ZNF839: variants seen among roughly 807,000 people sequenced by gnomAD.
The protein encoded by ZNF839 is renal carcinoma antigen NY-REN-50.
In ZNF839, 38 loss-of-function variants were observed where a neutral mutation model predicts 56.4. That is an observed-to-expected ratio of 0.67 (90% CI 0.52 to 0.88). ZNF839 has a LOEUF of 0.88. Ranked by LOEUF, ZNF839 falls within the 40% of genes least tolerant of loss-of-function variation. The probability of loss-of-function intolerance (pLI) is 0.00; values close to 1 mark genes in which losing one functional copy is unlikely to be tolerated. For synonymous variants in ZNF839, 486 were observed against 493.5 expected, an observed-to-expected ratio of 0.98 and a Z score of 0.20; for missense variants, 1,091 against 1,177.6, an observed-to-expected ratio of 0.93 and a Z score of 1.08.
In ZNF839 at chr14:102,326,445, C is replaced by G; in HGVS notation, c.749C>G (p.Ser250Cys). The change falls in exon 2 of 8, where the codon TCT becomes TGT. Residue 250 changes from serine (S) to cysteine (C), a missense_variant. Physicochemically the swap from Ser to Cys is moderately radical, Grantham distance 112. Around this residue, in one of 3 missense-constraint regions of ZNF839, gnomAD observed 614 missense variants for 629.2 expected, o/e 0.98. Transcript: ENST00000442396. This position sits in a 1 kb window ranked among gnomAD's most constrained non-coding sequence, Gnocchi z 4.3. ...AAATCGTTAAAAGTAAAGACACGTT[C>G]TGGACGGGTATCTCGACCTCCCAAA... ...LKKSLKVKTR[S>C]GRVSRPPKYK... The G allele has an allele frequency of 6.2e-7, 1 of 1,613,966 alleles. No individual in the cohort carries two copies. The highest frequency in any genetic ancestry group is 8.5e-7 in the Non-Finnish European group (1 of 1,179,894).
At chr14:102,331,415 A>ATTT in intron 2 of ZNF839, 1 of 514,030 alleles carries the variant, frequency 1.9e-6, no homozygotes, top group Non-Finnish European at 3.5e-6. Context: ...CGCCTGGCTA[A>ATTT]TTTTTTGTAT....
chr14:102,328,375 A>AAATATATATAT (rs1197718891), intron 2 of ZNF839, among the ~76,000 whole-genome samples: 5 of 16,344 alleles, frequency 3.1e-4, no homozygotes, highest in Non-Finnish European at 4.1e-4. Context: ...AAAAAAAAAA[A>AAATATATATAT]ATATATATAT....
chr14:102,337,441 T>C (rs1358284846), intron 5 of ZNF839: 6 of 152,252 alleles, frequency 3.9e-5, no homozygotes, highest in Non-Finnish European at 7.3e-5. Flanking sequence ...AGTGCTGGGA[T>C]TACAGGCATA....
chr14:102,339,080 T>C lies in ZNF839; in HGVS notation c.1798-14T>C. The C allele has an allele frequency of 6.2e-7, 1 of 1,613,746 alleles. No homozygotes were observed. The highest frequency in any genetic ancestry group is 8.5e-7 in the Non-Finnish European group (1 of 1,179,778). On this transcript the variant is annotated splice_polypyrimidine_tract_variant and intron_variant, in intron 6 of 7. Transcript: ENST00000442396. The stretch of plus-strand genomic sequence containing the variant: ...TTCCTTCCTATTCTAGCTGATTGGG[T>C]CTTCTCTTCACAGGCTGCGGAGGAG...
At chr14:102,320,824 C>T (rs1381551644) in intron 1 of ZNF839, among the ~76,000 whole-genome samples, 4 of 152,204 alleles carry the variant, frequency 2.6e-5, no homozygotes, top group Admixed American at 6.5e-5. Context: ...GACGGTCGCC[C>T]AACTCCGGAG....
At position 102,341,936 on chromosome 14, in the gene ZNF839, C is replaced by G; in HGVS notation, c.2541C>G (p.Phe847Leu). 1 of 1,613,916 alleles carries G rather than the reference C, an allele frequency of 6.2e-7. No individual in the cohort carries two copies. The highest frequency in any genetic ancestry group is 8.5e-7 in the Non-Finnish European group (1 of 1,179,868). The part of the protein sequence containing the change: ...LRSLSGDLNR[F>L]PCGMEVHSGQ... ...GCCTTTCGGGGGACTTGAACCGGTTCCCCTGTGGGATGGAGGTGCACTCTG... is the reference window on the plus strand; with the variant it reads ...GCCTTTCGGGGGACTTGAACCGGTTGCCCTGTGGGATGGAGGTGCACTCTG... The change falls in exon 8 of 8, where the codon TTC becomes TTG. Residue 847 changes from phenylalanine (F) to leucine (L), a missense_variant. By Grantham distance (22) the Phe-to-Leu change is conservative (BLOSUM62 0). Coordinates refer to ENST00000442396, the MANE Select transcript of ZNF839 (RefSeq NM_018335.6).
intron 7 of ZNF839, among the ~76,000 whole-genome samples, chr14:102,340,004 A>T (rs891882646): frequency 6.6e-6 from 1 of 151,758 alleles, no homozygotes; most frequent in Non-Finnish European, 1.5e-5. Context: ...CGGGAGTCGC[A>T]CTTTGTCACC....
At position 102,342,028 on chromosome 14, in the gene ZNF839, G is replaced by C. The variant is rs1886586372; in HGVS notation, c.2633G>C (p.Ser878Thr). Reference sequence around the variant, plus strand: ...ATGGCTTTTGAAATTTCCAATGGGAGCCATGAGTTACTGTCTCAGGGACAG... The same window carrying C: ...ATGGCTTTTGAAATTTCCAATGGGACCCATGAGTTACTGTCTCAGGGACAG... Reference protein sequence around the residue: ...EAMAFEISNGSHELLSQGQKQ... With the variant: ...EAMAFEISNGTHELLSQGQKQ... Residue 878 changes from serine (S) to threonine (T), a missense_variant, in exon 8 of 8, where the codon AGC (serine) becomes ACC (threonine). Ser to Thr is a moderately conservative substitution (Grantham distance 58). Coordinates refer to ENST00000442396, the MANE Select transcript of ZNF839 (RefSeq NM_018335.6). The C allele has an allele frequency of 1.2e-6, 2 of 1,614,026 alleles. No homozygotes were observed. Among genetic ancestry groups the C allele is most frequent in the Non-Finnish European group, 1.7e-6 (2 of 1,179,880 alleles).
chr14:102,322,292 C>T lies in ZNF839; in HGVS notation c.288+2239C>T, dbSNP rs2073169996. 2.0e-5 allele frequency among the ~76,000 whole-genome samples: 3 copies of T among 152,302 alleles called. No individual in the cohort carries two copies. In the South Asian group the frequency reaches 6.2e-4, roughly 32 times the overall value. ...CTTTTGAAAGGGCAGATCTTGGGGCCTCACCCCAGGAGATCCGATTCAGCA... is the reference window on the plus strand; with the variant it reads ...CTTTTGAAAGGGCAGATCTTGGGGCTTCACCCCAGGAGATCCGATTCAGCA... On this transcript the variant is annotated intron_variant, in intron 1 of 7. Coordinates refer to ENST00000442396, the MANE Select transcript of ZNF839 (RefSeq NM_018335.6).
upstream of ZNF839, among the ~76,000 whole-genome samples, chr14:102,318,757 C>A (rs867982877): frequency 6.6e-6 from 1 of 152,158 alleles, no homozygotes; most frequent in South Asian, 2.1e-4. Flanking sequence ...CTTCCAGAAC[C>A]TTCTCTGACG....
rs199998183 is a variant in ZNF839, at chr14:102,325,986, A to C, written c.290A>C (p.Gln97Pro). 1.6e-4 allele frequency: 252 copies of C among 1,611,780 alleles called. No homozygotes were observed. The African/African-American group carries it at 3.0e-3, about 19-fold the overall frequency. Residue 97 changes from glutamine to proline, a missense_variant and splice_region_variant, in exon 2 of 8, where the codon CAA becomes CCA. By Grantham distance (76) the Gln-to-Pro change is moderately conservative. Transcript: ENST00000442396. ...CTTTCTTGTCTTTCTGTACGTAAGCAACTAGAAGCCATTTGTGTCAAGGTA... is the reference window on the plus strand; with the variant it reads ...CTTTCTTGTCTTTCTGTACGTAAGCCACTAGAAGCCATTTGTGTCAAGGTA... ...PRLPRLLPPQ[Q>P]LEAICVKVTS...
At chr14:102,338,539 GAAAAAAAAAAA>G (rs954011615) in intron 5 of ZNF839, among the ~76,000 whole-genome samples, 5 of 32,076 alleles carry the variant, frequency 1.6e-4, no homozygotes, top group South Asian at 9.6e-4. Context: ...CTCTGTCTCA[GAAAAAAAAAAA>G]AAAAAAAAAA....
At chr14:102,319,697 C>G (rs1165774808), upstream of ZNF839, 2 of 1,219,666 alleles carry the variant, frequency 1.6e-6, no homozygotes, top group Non-Finnish European at 2.0e-6. This position sits in a 1 kb window ranked among gnomAD's most constrained non-coding sequence, Gnocchi z 4.5. Flanking sequence ...GCCCGCCCCT[C>G]TCCTAGGTGA....
Position 102,326,326 on chromosome 14 carries a change from T to C in ZNF839, c.630T>C (p.Ser210=), listed in dbSNP as rs1389394681. 6.2e-7 allele frequency: 1 copy of C among 1,611,036 alleles called. No homozygotes were observed. The highest frequency in any genetic ancestry group is 8.5e-7 in the Non-Finnish European group (1 of 1,178,590). ...AGGGCTCCATGTTGACCCCTTTGTCTGCCTCTGACCCGCTGGCAGTAACAT... is the reference window on the plus strand; with the variant it reads ...AGGGCTCCATGTTGACCCCTTTGTCCGCCTCTGACCCGCTGGCAGTAACAT... ...DEQGSMLTPL[S]ASDPLAVTSL... The change falls in exon 2 of 8, where the codon TCT becomes TCC. Residue 210 remains serine, a synonymous_variant. Transcript: ENST00000442396. The surrounding 1 kb of genome is among the most constrained non-coding windows in gnomAD (Gnocchi z 4.3).
At chr14:102,319,181 T>G (rs1391789455), upstream of ZNF839, 1 of 152,248 alleles carries the variant, frequency 6.6e-6, no homozygotes, top group Non-Finnish European at 1.5e-5. The surrounding 1 kb of genome is among the most constrained non-coding windows in gnomAD (Gnocchi z 4.5). Context: ...GTGCGTTGTG[T>G]TCTGGGCAGG....
chr14:102,327,873 C>T (rs776610252), intron 2 of ZNF839, among the ~76,000 whole-genome samples: 2 of 150,450 alleles, frequency 1.3e-5, no homozygotes, highest in Non-Finnish European at 2.9e-5. Context: ...AATGGCAGTG[C>T]GCTCTTGGCT....
At position 102,341,836 on chromosome 14, in the gene ZNF839, C is replaced by A. The variant is rs1886562081; in HGVS notation, c.2441C>A (p.Ala814Asp). The A allele has an allele frequency of 6.2e-7, 1 of 1,613,904 alleles. No homozygotes were observed. Among genetic ancestry groups the A allele is most frequent in the Non-Finnish European group, 8.5e-7 (1 of 1,179,904 alleles). ...GTGGATAGCGTGGCAGTGGACTGTG[C>A]CTACAGGACTGTGCCCAAGCCAGGG... The part of the protein sequence containing the change: ...LSVDSVAVDC[A>D]YRTVPKPGPQ... The change falls in exon 8 of 8, where the codon GCC becomes GAC. Residue 814 changes from alanine to aspartate, a missense_variant. Around this residue, in one of 3 missense-constraint regions of ZNF839, gnomAD observed 431 missense variants for 468.0 expected, o/e 0.92. Coordinates refer to ENST00000442396, the MANE Select transcript of ZNF839 (RefSeq NM_018335.6).
At position 102,331,748 on chromosome 14, in the gene ZNF839, A is replaced by G. The variant is rs376102379; in HGVS notation, c.1318A>G (p.Thr440Ala). Residue 440 changes from threonine to alanine, a missense_variant, in exon 3 of 8, where the codon ACA becomes GCA. Physicochemically the swap from Thr to Ala is moderately conservative, Grantham distance 58. Coordinates refer to ENST00000442396, the MANE Select transcript of ZNF839 (RefSeq NM_018335.6). ...ACSETLAESR[T>A]AVLQQRRAAQ... The stretch of plus-strand genomic sequence containing the variant: ...CTCAGAGACCCTTGCAGAGTCCCGC[A>G]CAGCTGTCCTCCAGCAGAGAAGAGC... 1.9e-6 allele frequency: 3 copies of G among 1,604,404 alleles called. No homozygotes were observed. The highest frequency in any genetic ancestry group is 2.2e-5 in the South Asian group (2 of 89,380).
intron 7 of ZNF839, 72 bp downstream of exon 7, chr14:102,339,295 A>G: frequency 1.3e-6 from 2 of 1,534,626 alleles, no homozygotes; most frequent in Non-Finnish European, 1.8e-6. Flanking sequence ...AGATGTACCC[A>G]GGATTGCCAT....
Sources: gnomAD v4.1 joint callset for allele counts (sites outside exome capture counted in the v4.1 genomes callset) on GRCh38, gnomAD v4.1.1 for gene constraint, gnomAD v4.1.1 regional missense constraint, Gnocchi (gnomAD v3.1) non-coding constraint, MANE v1.5 for transcripts, NCBI Gene and HGNC (gene_info 2026-07-23, HGNC 2026-07-21) for gene names.